Variants in TENM4 observed in about 807,000 individuals in gnomAD.
TENM4 encodes teneurin-4.
Under a neutral mutation model 243.3 loss-of-function variants are expected in TENM4, and 82 were observed. The ratio of observed to expected loss-of-function variants is 0.34; its 90% CI spans 0.28 to 0.40. The LOEUF is 0.40. Ranked by LOEUF, TENM4 falls within the 10% of genes least tolerant of loss-of-function variation. The probability of loss-of-function intolerance (pLI) is 1.00; values close to 1 mark genes in which losing one functional copy is unlikely to be tolerated. For synonymous variants in TENM4, 1,412 were observed against 1,456.3 expected, an observed-to-expected ratio of 0.97 and a Z score of 0.69; for missense variants, 3,138 against 3,673.3, an observed-to-expected ratio of 0.85 and a Z score of 3.77.
intron 12 of TENM4, among the ~76,000 whole-genome samples, chr11:78,818,513 A>T (rs1857657140): frequency 6.6e-6 from 1 of 152,228 alleles, no homozygotes; most frequent in Non-Finnish European, 1.5e-5. Flanking sequence ...GCAACAAGGA[A>T]ATGGAAAGGA....
At chr11:79,125,802 G>A (rs1202486818) in intron 4 of TENM4, among the ~76,000 whole-genome samples, 1 of 152,114 alleles carries the variant, frequency 6.6e-6, no homozygotes, top group Non-Finnish European at 1.5e-5. Flanking sequence ...ACTCTCTTCA[G>A]GAGCCACCCC....
chr11:79,084,616 C>T (rs1860760164), intron 4 of TENM4, among the ~76,000 whole-genome samples: 1 of 149,906 alleles, frequency 6.7e-6, no homozygotes, highest in Non-Finnish European at 1.5e-5. Flanking sequence ...AGCTTTCATC[C>T]TACATTATTC....
At chr11:79,277,483 G>A (rs1233765809) in intron 2 of TENM4, among the ~76,000 whole-genome samples, 8 of 152,150 alleles carry the variant, frequency 5.3e-5, no homozygotes, top group African/African-American at 1.2e-4. Flanking sequence ...TCTAATCAAC[G>A]CAAAGATGGG....
chr11:78,749,690 G>C (rs938151078), intron 19 of TENM4, among the ~76,000 whole-genome samples: 32 of 152,060 alleles, frequency 2.1e-4, no homozygotes, highest in African/African-American at 7.7e-4. Context: ...TTTCACTCTT[G>C]AAAACTCTTG....
intron 1 of TENM4, among the ~76,000 whole-genome samples, chr11:79,416,334 T>C (rs1307484742): frequency 6.6e-6 from 1 of 152,196 alleles, no homozygotes; most frequent in Non-Finnish European, 1.5e-5. Flanking sequence ...TCTGAAGTAG[T>C]AGTCTCCTTT....
rs376074644 is a variant in TENM4 at position 79,132,310 on chromosome 11, C to A, written c.-66+16400G>T. 1.2e-3 allele frequency among the ~76,000 whole-genome samples: 148 copies of A among 121,544 alleles called. 1 individual carries two copies. The highest frequency in any genetic ancestry group is 4.3e-3 in the African/African-American group (139 of 32,188). 79.7% of individuals were successfully genotyped at this position (121,544 alleles called of 152,430 possible). A position where few individuals can be genotyped will look rare whatever the true frequency, so the allele number is the denominator to read the frequency against. On this transcript the variant is annotated intron_variant, in intron 4 of 33. Coordinates refer to ENST00000278550, the MANE Select transcript of TENM4 (RefSeq NM_001098816.3). Reference sequence around the variant, plus strand: ...GCAGTGAGCTGAGATAGCGCCACTGCAGTCTGGCCTGGGAGAAAGAGCAAG... The same window carrying A: ...GCAGTGAGCTGAGATAGCGCCACTGAAGTCTGGCCTGGGAGAAAGAGCAAG...
intron 3 of TENM4, among the ~76,000 whole-genome samples, chr11:79,196,486 G>C (rs538175273): frequency 6.6e-6 from 1 of 152,278 alleles, no homozygotes; most frequent in South Asian, 2.1e-4. Flanking sequence ...CAGTGTCTCT[G>C]TCTGTGAAAC....
At chr11:78,728,159 G>T (rs1351681176) in intron 22 of TENM4, among the ~76,000 whole-genome samples, 1 of 152,190 alleles carries the variant, frequency 6.6e-6, no homozygotes, top group Non-Finnish European at 1.5e-5. Flanking sequence ...TCTACAGAAG[G>T]GATCATGAAC....
intron 1 of TENM4, among the ~76,000 whole-genome samples, chr11:79,414,283 G>A (rs1858767187): frequency 6.6e-6 from 1 of 152,124 alleles, no homozygotes; most frequent in Admixed American, 6.5e-5. Flanking sequence ...AGTAAAAAGA[G>A]CTTTCGACTC....
chr11:79,226,877 A>G (rs1864277499), intron 2 of TENM4, among the ~76,000 whole-genome samples: 1 of 152,214 alleles, frequency 6.6e-6, no homozygotes, highest in Admixed American at 6.5e-5. Flanking sequence ...GGTGGGGGCC[A>G]ACTCAGCTTT....
At chr11:79,159,561 T>C (rs1591322714) in intron 3 of TENM4, among the ~76,000 whole-genome samples, 1 of 152,236 alleles carries the variant, frequency 6.6e-6, no homozygotes. Context: ...GCTTTTAACA[T>C]TTATCCCACC....
intron 6 of TENM4, among the ~76,000 whole-genome samples, chr11:79,025,879 C>T (rs1352121859): frequency 1.3e-5 from 2 of 152,148 alleles, no homozygotes; most frequent in Non-Finnish European, 2.9e-5. Flanking sequence ...TGTGTGTGTG[C>T]TACGGGGCTG....
chr11:78,798,048 A>C (rs973840367), intron 15 of TENM4, among the ~76,000 whole-genome samples: 1 of 152,210 alleles, frequency 6.6e-6, no homozygotes, highest in African/African-American at 2.4e-5. Context: ...TCAATGCTGA[A>C]TCTAATTTTC....
At position 78,758,569 on chromosome 11, in the gene TENM4, T is replaced by C. The variant is rs182379920; in HGVS notation, c.2540-1548A>G. Among the ~76,000 whole-genome samples the C allele has an allele frequency of 6.0e-4, 92 of 152,350 alleles. 1 individual carries two copies. The highest frequency in any genetic ancestry group is 2.1e-3 in the African/African-American group (88 of 41,578). On this transcript the variant is annotated intron_variant, in intron 18 of 33. Transcript: ENST00000278550. ...ATACCTACTTCTCTAGTTTTCTCCA[T>C]GGAGTTTACAATACAGAAGCTGCCC...
At chr11:78,662,856 C>T (rs1445584012) in intron 32 of TENM4, among the ~76,000 whole-genome samples, 1 of 152,180 alleles carries the variant, frequency 6.6e-6, no homozygotes, top group African/African-American at 2.4e-5. Flanking sequence ...GACAGGCTGA[C>T]AAGACCACAT....
intron 1 of TENM4, among the ~76,000 whole-genome samples, chr11:79,379,358 G>A (rs1203471763): frequency 1.3e-5 from 2 of 152,214 alleles, no homozygotes; most frequent in South Asian, 2.1e-4. Context: ...ATGCAGGGGA[G>A]TGAGGCTGTT....
At chr11:79,154,364 C>T (rs1377150549) in intron 3 of TENM4, among the ~76,000 whole-genome samples, 2 of 152,242 alleles carry the variant, frequency 1.3e-5, no homozygotes, top group Admixed American at 6.5e-5. Flanking sequence ...AGAACTCACT[C>T]ATTACCATGA....
At chr11:78,694,335 A>G (rs981424447) in intron 28 of TENM4, among the ~76,000 whole-genome samples, 4 of 152,226 alleles carry the variant, frequency 2.6e-5, no homozygotes, top group Admixed American at 2.6e-4. Context: ...AGGCACACCA[A>G]TAGTTCCCCT....
intron 3 of TENM4, among the ~76,000 whole-genome samples, chr11:79,204,419 C>T (rs1179746762): frequency 6.6e-6 from 1 of 152,188 alleles, no homozygotes; most frequent in African/African-American, 2.4e-5. Flanking sequence ...TGAGCCCCTA[C>T]TATGGCCTGG....
Sources: allele counts gnomAD v4.1 joint callset (sites outside exome capture counted in the v4.1 genomes callset), GRCh38; gene constraint gnomAD v4.1.1; transcripts MANE v1.5; gene names NCBI Gene and HGNC (gene_info 2026-07-23, HGNC 2026-07-21).